Variants in TBC1D1 observed in about 807,000 individuals in gnomAD.
The protein encoded by TBC1D1 is TBC1 domain family member 1.
Under a neutral mutation model 125.6 loss-of-function variants are expected in TBC1D1, and 89 were observed. The ratio of observed to expected loss-of-function variants is 0.71; its 90% CI spans 0.60 to 0.85. The LOEUF (loss-of-function observed/expected upper bound fraction) is 0.85, where lower values mean the gene tolerates loss of function less well. Among genes scored for constraint, TBC1D1 ranks in the 40% least tolerant of loss-of-function variants. The pLI is 0.00. For synonymous variants in TBC1D1, 565 were observed against 564.1 expected, an observed-to-expected ratio of 1.00 and a Z score of -0.02; for missense variants, 1,377 against 1,469.2, an observed-to-expected ratio of 0.94 and a Z score of 1.03.
intron 12 of TBC1D1, among the ~76,000 whole-genome samples, chr4:38,064,079 A>G (rs937847745): frequency 7.2e-5 from 11 of 152,216 alleles, no homozygotes; most frequent in African/African-American, 2.4e-4. Flanking sequence ...TCTAAGTGCA[A>G]TCATATAATA....
chr4:37,969,836 C>T (rs1731712111), intron 2 of TBC1D1, among the ~76,000 whole-genome samples: 1 of 152,202 alleles, frequency 6.6e-6, no homozygotes, highest in Non-Finnish European at 1.5e-5. Flanking sequence ...ACCATCATCA[C>T]CATCTAATTC....
At chr4:37,931,621 G>A (rs1723277022) in intron 2 of TBC1D1, among the ~76,000 whole-genome samples, 1 of 151,952 alleles carries the variant, frequency 6.6e-6, no homozygotes, top group Non-Finnish European at 1.5e-5. Context: ...GGGATTACAG[G>A]CACCTGCCAC....
In TBC1D1 at chr4:38,090,054, CA is replaced by C; in HGVS notation, c.2177del (p.Lys726ArgfsTer27). 6.2e-7 allele frequency: 1 copy of C among 1,614,018 alleles called. No homozygotes were observed. The highest frequency in any genetic ancestry group is 8.5e-7 in the Non-Finnish European group (1 of 1,179,980). On this transcript the variant is annotated frameshift_variant, in exon 13 of 20. Transcript: ENST00000261439. LOFTEE classifies it high-confidence loss of function. ...ATCTCGTGAGCTCCGAGAGCTGTGG[CA>C]AAAGGCTATTCTTCAACAGATACTG...
intron 9 of TBC1D1, among the ~76,000 whole-genome samples, chr4:38,045,338 T>C (rs562551140): frequency 6.6e-6 from 1 of 152,374 alleles, no homozygotes; most frequent in Admixed American, 6.5e-5. Flanking sequence ...TTAAATTTTA[T>C]TTTCTTCGAA....
At chr4:37,936,568 G>T in intron 2 of TBC1D1, among the ~76,000 whole-genome samples, 1 of 152,164 alleles carries the variant, frequency 6.6e-6, no homozygotes, top group Non-Finnish European at 1.5e-5. Flanking sequence ...TTGAAAATTT[G>T]AGTTGACATG....
Position 38,014,765 on chromosome 4 carries a change from A to C in TBC1D1, c.674A>C (p.Gln225Pro). ...CCCCATGCCGCGCCCACAGGGAGCC[A>C]GGAGCCTGTGCGCAGGCCCATGCGC... Residue 225 changes from glutamine (Q) to proline (P), a missense_variant, in exon 3 of 20, where the codon CAG (glutamine) becomes CCG (proline). Gln to Pro is a moderately conservative substitution (Grantham distance 76, BLOSUM62 -1). Around this residue, in one of 3 missense-constraint regions of TBC1D1, gnomAD observed 822 missense variants for 824.6 expected, o/e 1.00. Transcript: ENST00000261439. This position sits in a 1 kb window ranked among gnomAD's most constrained non-coding sequence, Gnocchi z 5.1. 2 of 1,405,808 alleles carry C rather than the reference A, an allele frequency of 1.4e-6. No homozygotes were observed. The highest frequency in any genetic ancestry group is 1.1e-5 in the South Asian group (1 of 87,772). The allele number at this position is 1,405,808 out of a possible 1,614,324, so 87.1% of individuals were successfully genotyped here. A position where few individuals can be genotyped will look rare whatever the true frequency, so the allele number is the denominator to read the frequency against.
intron 12 of TBC1D1, among the ~76,000 whole-genome samples, chr4:38,070,432 C>G (rs975976540): frequency 6.6e-6 from 1 of 152,208 alleles, no homozygotes; most frequent in African/African-American, 2.4e-5. Context: ...TTCGGCATGA[C>G]CCGGCCATGG....
chr4:38,092,604 G>A (rs2152541782), intron 13 of TBC1D1, among the ~76,000 whole-genome samples: 1 of 151,828 alleles, frequency 6.6e-6, no homozygotes, highest in South Asian at 2.1e-4. Context: ...GTGTGGTTGT[G>A]CACACCTGTA....
At chr4:37,971,396 G>A (rs1334180116) in intron 2 of TBC1D1, among the ~76,000 whole-genome samples, 1 of 152,100 alleles carries the variant, frequency 6.6e-6, no homozygotes, top group Non-Finnish European at 1.5e-5. Context: ...ATCTTACACG[G>A]CAACAGACAG....
At chr4:38,110,519 C>T in intron 15 of TBC1D1, 3 of 985,344 alleles carry the variant, frequency 3.0e-6, no homozygotes, top group Non-Finnish European at 3.6e-6. Context: ...ATTACTAGGT[C>T]ATTTAGAAAT....
chr4:37,901,947 A>T (rs112663562), intron 1 of TBC1D1, 56 bp from the exon 2 acceptor site: 10 of 725,500 alleles, frequency 1.4e-5, no homozygotes, highest in African/African-American at 5.3e-5. Flanking sequence ...AGCCCTTTGA[A>T]GGTAGCTATT....
At chr4:38,088,623 T>C (rs1159586688) in intron 12 of TBC1D1, among the ~76,000 whole-genome samples, 1 of 152,152 alleles carries the variant, frequency 6.6e-6, no homozygotes, top group Non-Finnish European at 1.5e-5. Flanking sequence ...AGTAAAGATA[T>C]GATAGCAAAC....
intron 2 of TBC1D1, among the ~76,000 whole-genome samples, chr4:37,990,553 C>G (rs140327769): frequency 1.4e-4 from 21 of 152,208 alleles, no homozygotes; most frequent in African/African-American, 4.3e-4. Context: ...TGAAATATTG[C>G]TAGTACATCT....
Position 37,995,543 on chromosome 4 carries a change from G to C in TBC1D1, c.418-18966G>C. 2.7e-6 allele frequency: 1 copy of C among 373,664 alleles called. No individual in the cohort carries two copies. The highest frequency in any genetic ancestry group is 5.3e-6 in the Non-Finnish European group (1 of 189,578). The allele number at this position is 373,664 out of a possible 1,614,324, so 23.1% of individuals were successfully genotyped here. On this transcript the variant is annotated intron_variant, in intron 2 of 19. Coordinates refer to ENST00000261439, the MANE Select transcript of TBC1D1 (RefSeq NM_015173.4). The surrounding 1 kb of genome is among the most constrained non-coding windows in gnomAD (Gnocchi z 4.3). ...ACCTTTTGGGTTGCGGTTTTCTCCA[G>C]GTTGGTGCTGATGATATGATAAAGC...
chr4:38,055,104 T>C (rs184148506), intron 12 of TBC1D1: 2 of 152,160 alleles, frequency 1.3e-5, no homozygotes, highest in African/African-American at 4.8e-5. Flanking sequence ...TCCCCAGTTT[T>C]AGGTGTTTTC....
intron 18 of TBC1D1, among the ~76,000 whole-genome samples, chr4:38,129,432 C>G (rs1443006666): frequency 6.6e-6 from 1 of 152,178 alleles, no homozygotes; most frequent in Admixed American, 6.5e-5. Context: ...GAAAATTGCT[C>G]ACATGCAGTG....
At chr4:38,073,702 C>T (rs768740356) in intron 12 of TBC1D1, among the ~76,000 whole-genome samples, 2 of 151,962 alleles carry the variant, frequency 1.3e-5, no homozygotes, top group Non-Finnish European at 2.9e-5. Context: ...GGTGTAATGC[C>T]GGCATAATGA....
At chr4:37,912,628 A>C (rs535161175) in intron 2 of TBC1D1, among the ~76,000 whole-genome samples, 105 of 152,294 alleles carry the variant, frequency 6.9e-4, no homozygotes, top group African/African-American at 2.4e-3. Flanking sequence ...TGGGGTCTTT[A>C]AGAGATGATT....
chr4:37,926,424 C>G (rs1291508769), intron 2 of TBC1D1, among the ~76,000 whole-genome samples: 1 of 152,216 alleles, frequency 6.6e-6, no homozygotes, highest in Non-Finnish European at 1.5e-5. Flanking sequence ...TGCTCCATCG[C>G]TTGGTCAGCA....
Sources: allele counts gnomAD v4.1 joint callset (sites outside exome capture counted in the v4.1 genomes callset), GRCh38; gene constraint gnomAD v4.1.1; regional missense constraint gnomAD v4.1.1; non-coding constraint Gnocchi (gnomAD v3.1); transcripts MANE v1.5; gene names NCBI Gene and HGNC (gene_info 2026-07-23, HGNC 2026-07-21).